The following TACC2 variants were observed in gnomAD, a reference collection of about 807,000 sequenced individuals.
TACC2 encodes the protein transforming acidic coiled-coil-containing protein 2.
Under a neutral mutation model 227.3 loss-of-function variants are expected in TACC2, and 137 were observed. The ratio of observed to expected loss-of-function variants is 0.60; its 90% CI spans 0.52 to 0.69. The LOEUF is 0.69. TACC2 is among the 30% of genes least tolerant of loss of function. TACC2 has a pLI of 0.00. For missense variants in TACC2, 3,470 were observed against 3,694.4 expected (o/e 0.94, Z 1.57); for synonymous variants, 1,523 against 1,487.5 (o/e 1.02, Z -0.55).
intron 1 of TACC2, among the ~76,000 whole-genome samples, chr10:122,010,792 C>G (rs1230655824): frequency 1.3e-5 from 2 of 152,226 alleles, no homozygotes; most frequent in Admixed American, 6.5e-5. Context: ...GAAATCTTAT[C>G]AGTTAGCTTT....
chr10:122,249,413 C>A (rs1266624884), intron 21 of TACC2, 131 bp from the exon 22 acceptor site: 8 of 1,315,578 alleles, frequency 6.1e-6, no homozygotes, highest in Middle Eastern at 2.3e-4. Flanking sequence ...CTCATGGGCT[C>A]CTGTGCTCCA....
intron 7 of TACC2, among the ~76,000 whole-genome samples, chr10:122,148,335 C>T (rs967932871): frequency 6.6e-6 from 1 of 152,162 alleles, no homozygotes; most frequent in Admixed American, 6.5e-5. Flanking sequence ...AACTCCTGAC[C>T]TCAGGTGATC....
intron 11 of TACC2, among the ~76,000 whole-genome samples, chr10:122,219,444 C>G (rs1002149824): frequency 1.3e-5 from 2 of 152,168 alleles, no homozygotes; most frequent in Non-Finnish European, 2.9e-5. Flanking sequence ...AGGTTCATCT[C>G]TGTTCCTCAC....
chr10:122,207,399 T>C (rs1198262844), intron 8 of TACC2, among the ~76,000 whole-genome samples: 2 of 152,186 alleles, frequency 1.3e-5, no homozygotes, highest in Non-Finnish European at 2.9e-5. Flanking sequence ...CAGCCTGCTC[T>C]GGTAACCAAC....
At chr10:122,188,598 T>C (rs1248930942) in intron 7 of TACC2, among the ~76,000 whole-genome samples, 1 of 152,176 alleles carries the variant, frequency 6.6e-6, no homozygotes, top group South Asian at 2.1e-4. Flanking sequence ...CATGCTTTAG[T>C]TTAAATTCAG....
At chr10:122,021,004 G>A (rs1186625256) in intron 1 of TACC2, among the ~76,000 whole-genome samples, 1 of 152,222 alleles carries the variant, frequency 6.6e-6, no homozygotes, top group East Asian at 1.9e-4. Context: ...GGCCAAGGTG[G>A]GTGGATTACG....
intron 3 of TACC2, among the ~76,000 whole-genome samples, chr10:122,054,320 G>A (rs561756765): frequency 1.1e-3 from 168 of 152,292 alleles, no homozygotes; most frequent in Middle Eastern, 6.8e-3. Context: ...GGTTCTTGAG[G>A]GAGAATGATC....
chr10:122,065,296 T>C (rs1181347438), intron 3 of TACC2, among the ~76,000 whole-genome samples: 1 of 152,182 alleles, frequency 6.6e-6, no homozygotes, highest in Non-Finnish European at 1.5e-5. Context: ...CTGAGACCTG[T>C]TTTAACTGCG....
intron 2 of TACC2, chr10:122,023,182 AC>A: frequency 6.6e-6 from 1 of 152,266 alleles, no homozygotes. Context: ...GGGGCCTGCC[AC>A]CATGCCCAGC....
At chr10:122,055,856 A>G (rs10788233) in intron 3 of TACC2, among the ~76,000 whole-genome samples, 120,464 of 152,216 alleles carry the variant, frequency 0.79, 48,171 homozygotes, top group East Asian at 0.95. Context: ...ACTTCCTTGA[A>G]TAAGATGATG....
rs372264940 is a variant in TACC2, at chr10:122,036,500, C to CTT, written c.34-13922_34-13921dup. Reference sequence around the variant, plus strand: ...GCGCCACCGTGCCTGGCAATCCATTCTTTTTTTTTTTTTTTTTAAGACAGA... The same window carrying CTT: ...GCGCCACCGTGCCTGGCAATCCATTCTTTTTTTTTTTTTTTTTTTAAGACAGA... On this transcript the variant is annotated intron_variant, in intron 2 of 22. Coordinates refer to ENST00000369005, the MANE Select transcript of TACC2 (RefSeq NM_206862.4). Among the ~76,000 whole-genome samples, 649 of 132,080 alleles carry CTT rather than the reference C, an allele frequency of 4.9e-3. 5 individuals are homozygous for CTT. Among genetic ancestry groups the CTT allele is most frequent in the South Asian group, 5.8e-3 (23 of 3,938 alleles). The allele number at this position is 132,080 out of a possible 152,430, so 86.6% of individuals were successfully genotyped here.
chr10:122,040,128 G>C (rs1171832405), intron 2 of TACC2, among the ~76,000 whole-genome samples: 6 of 152,186 alleles, frequency 3.9e-5, no homozygotes, highest in African/African-American at 1.4e-4. Flanking sequence ...CACTTGCACA[G>C]GTGATGTATT....
chr10:122,109,621 C>T (rs1399311390), intron 5 of TACC2, among the ~76,000 whole-genome samples: 4 of 152,206 alleles, frequency 2.6e-5, no homozygotes, highest in African/African-American at 4.8e-5. Flanking sequence ...ATTCCCTTTC[C>T]AGCTCTTGCC....
At chr10:122,152,115 C>G (rs1475089876) in intron 7 of TACC2, among the ~76,000 whole-genome samples, 1 of 152,212 alleles carries the variant, frequency 6.6e-6, no homozygotes, top group Admixed American at 6.5e-5. Context: ...TTCTCCTGGG[C>G]TAAGAGGCAA....
chr10:122,142,938 G>A (rs1021119716), intron 6 of TACC2, among the ~76,000 whole-genome samples: 8 of 152,212 alleles, frequency 5.3e-5, no homozygotes, highest in African/African-American at 1.7e-4. Context: ...CTTTTGTGGG[G>A]AGTGGTCTCC....
rs201329855 is a variant in TACC2, at chr10:122,067,491, T to A, written c.147-15156T>A. 6.9e-4 allele frequency among the ~76,000 whole-genome samples: 101 copies of A among 147,338 alleles called. No individual in the cohort carries two copies. The East Asian group carries it at 0.018, about 27-fold the overall frequency. On this transcript the variant is annotated intron_variant, in intron 3 of 22. Transcript: ENST00000369005. ...TTACGATATGCCTTGGTGGTGTAGGTTTTTCACTGTTTCTGGTTTTTTTTT... is the reference window on the plus strand; with the variant it reads ...TTACGATATGCCTTGGTGGTGTAGGATTTTCACTGTTTCTGGTTTTTTTTT...
At chr10:121,997,167 A>G (rs1953622440) in intron 1 of TACC2, among the ~76,000 whole-genome samples, 1 of 152,150 alleles carries the variant, frequency 6.6e-6, no homozygotes, top group African/African-American at 2.4e-5. Flanking sequence ...GTATGCTTTC[A>G]ATTGGGGCAC....
At chr10:122,048,275 A>C (rs539644495) in intron 2 of TACC2, among the ~76,000 whole-genome samples, 3 of 151,962 alleles carry the variant, frequency 2.0e-5, no homozygotes, top group African/African-American at 4.8e-5. Flanking sequence ...CATACCTACT[A>C]TCTTCCTGGG....
Position 122,238,049 on chromosome 10 carries a change from A to C in TACC2, c.8348+12A>C, listed in dbSNP as rs1415098040. 2 of 1,612,608 alleles carry C rather than the reference A, an allele frequency of 1.2e-6. No homozygotes were observed. Among genetic ancestry groups the C allele is most frequent in the South Asian group, 2.2e-5 (2 of 90,976 alleles). ...GTGATGGAAATGAGGTCAGTTGGGG[A>C]GCTGGGCCTTCCTCGTGCCTGAGGG... On this transcript the variant is annotated intron_variant, in intron 18 of 22. Transcript: ENST00000369005.
Sources: allele counts gnomAD v4.1 joint callset (sites outside exome capture counted in the v4.1 genomes callset), GRCh38; gene constraint gnomAD v4.1.1; transcripts MANE v1.5; gene names NCBI Gene and HGNC (gene_info 2026-07-23, HGNC 2026-07-21).